NLGN1: variants seen among roughly 807,000 people sequenced by gnomAD.
The protein encoded by NLGN1 is neuroligin-1.
In NLGN1, 12 loss-of-function variants were observed where a neutral mutation model predicts 65.5. The ratio of observed to expected loss-of-function variants is 0.18; its 90% CI spans 0.12 to 0.30. The LOEUF is 0.30. Among genes scored for constraint, NLGN1 ranks in the 10% least tolerant of loss-of-function variants. The pLI, the probability that NLGN1 is intolerant of heterozygous loss-of-function variation, is 1.00. For missense variants in NLGN1, 750 were observed against 1,007.1 expected (o/e 0.74, Z 3.46); for synonymous variants, 350 against 359.5 (o/e 0.97, Z 0.30).
intron 4 of NLGN1, among the ~76,000 whole-genome samples, chr3:174,196,450 T>C (rs1441341260): frequency 1.3e-5 from 2 of 152,204 alleles, no homozygotes; most frequent in African/African-American, 4.8e-5. Flanking sequence ...TCAAAAGTTC[T>C]CATTTTGAGT....
chr3:174,040,583 G>GA (rs1265980481), intron 4 of NLGN1, among the ~76,000 whole-genome samples: 1 of 152,004 alleles, frequency 6.6e-6, no homozygotes, highest in African/African-American at 2.4e-5. Flanking sequence ...ACACTACTGA[G>GA]AAAATGAATA....
At chr3:173,721,269 G>C (rs10460881) in intron 3 of NLGN1, among the ~76,000 whole-genome samples, 123,145 of 152,204 alleles carry the variant, frequency 0.81, 50,371 homozygotes, top group South Asian at 0.88. Context: ...TGTCCTCACC[G>C]AGGTGACCTT....
intron 5 of NLGN1, among the ~76,000 whole-genome samples, chr3:174,276,153 C>G (rs1488345657): frequency 6.6e-6 from 1 of 151,690 alleles, no homozygotes; most frequent in Non-Finnish European, 1.5e-5. Flanking sequence ...ATTATTTTTC[C>G]CCCTAAACTT....
chr3:174,066,530 C>G (rs1738597913), intron 4 of NLGN1, among the ~76,000 whole-genome samples: 1 of 96,954 alleles, frequency 1.0e-5, no homozygotes, highest in African/African-American at 4.0e-5. Context: ...CTCTCTCTCT[C>G]TCTCTCTCTC....
chr3:173,991,792 G>A (rs189241595), intron 4 of NLGN1, among the ~76,000 whole-genome samples: 142 of 152,070 alleles, frequency 9.3e-4, no homozygotes, highest in African/African-American at 3.2e-3. Context: ...TGGAGAACTT[G>A]TGTTTTTTTG....
At chr3:174,175,522 T>A (rs1729284188) in intron 4 of NLGN1, among the ~76,000 whole-genome samples, 2 of 151,868 alleles carry the variant, frequency 1.3e-5, no homozygotes, top group Non-Finnish European at 2.9e-5. Flanking sequence ...TCTATATGTG[T>A]CTCTATTGAA....
intron 3 of NLGN1, among the ~76,000 whole-genome samples, chr3:173,614,504 C>G (rs1462742540): frequency 6.6e-6 from 1 of 152,102 alleles, no homozygotes; most frequent in East Asian, 1.9e-4. Flanking sequence ...CACCATCTTT[C>G]TCAGCGCACC....
intron 2 of NLGN1, among the ~76,000 whole-genome samples, chr3:173,493,901 A>C (rs936461210): frequency 2.0e-5 from 3 of 151,764 alleles, no homozygotes; most frequent in African/African-American, 7.3e-5. Flanking sequence ...AAAGTTTCTA[A>C]AAATTTATTA....
intron 3 of NLGN1, among the ~76,000 whole-genome samples, chr3:173,697,800 G>T (rs1282858487): frequency 6.6e-6 from 1 of 152,136 alleles, no homozygotes; most frequent in Non-Finnish European, 1.5e-5. Flanking sequence ...AAAGTACTGG[G>T]ATTACAGGCG....
At chr3:174,145,734 G>C (rs559181165) in intron 4 of NLGN1, among the ~76,000 whole-genome samples, 1 of 152,200 alleles carries the variant, frequency 6.6e-6, no homozygotes, top group South Asian at 2.1e-4. Flanking sequence ...TATCATTCTT[G>C]ATTAGTAAAA....
chr3:174,101,701 G>A (rs1048443447), intron 4 of NLGN1, among the ~76,000 whole-genome samples: 2 of 152,090 alleles, frequency 1.3e-5, no homozygotes, highest in Admixed American at 6.6e-5. Flanking sequence ...GCAGGCCCTC[G>A]CACAATAGTG....
intron 3 of NLGN1, among the ~76,000 whole-genome samples, chr3:173,625,554 A>G (rs567304268): frequency 1.3e-5 from 2 of 152,260 alleles, no homozygotes; most frequent in East Asian, 3.9e-4. Flanking sequence ...TTTTTCTTTG[A>G]TAAGACAAGA....
intron 1 of NLGN1, among the ~76,000 whole-genome samples, chr3:173,402,842 A>G (rs777394088): frequency 4.6e-5 from 7 of 152,202 alleles, no homozygotes; most frequent in Admixed American, 3.9e-4. Flanking sequence ...CAATGAGACA[A>G]TGCGTTGTAT....
chr3:174,075,767 G>A (rs1421871186), intron 4 of NLGN1, among the ~76,000 whole-genome samples: 1 of 152,076 alleles, frequency 6.6e-6, no homozygotes, highest in African/African-American at 2.4e-5. Flanking sequence ...ATGCATAAGT[G>A]GATTATTGAT....
At chr3:174,076,131 C>A (rs1305225773) in intron 4 of NLGN1, among the ~76,000 whole-genome samples, 1 of 151,894 alleles carries the variant, frequency 6.6e-6, no homozygotes, top group Non-Finnish European at 1.5e-5. Flanking sequence ...GGTTTTAAAG[C>A]AAGATGTTTT....
At chr3:173,689,025 A>G (rs1428249273) in intron 3 of NLGN1, among the ~76,000 whole-genome samples, 1 of 152,114 alleles carries the variant, frequency 6.6e-6, no homozygotes, top group East Asian at 1.9e-4. Flanking sequence ...CGCTAATGTC[A>G]TTTATGTCCT....
chr3:173,660,671 G>T (rs1305423533), intron 3 of NLGN1, among the ~76,000 whole-genome samples: 1 of 151,818 alleles, frequency 6.6e-6, no homozygotes, highest in Non-Finnish European at 1.5e-5. Flanking sequence ...GACAAAAACT[G>T]CTTTAATGTA....
chr3:173,860,789 C>T (rs1461345526), intron 4 of NLGN1, among the ~76,000 whole-genome samples: 6 of 152,124 alleles, frequency 3.9e-5, no homozygotes, highest in African/African-American at 1.4e-4. Flanking sequence ...AAGAACCTTC[C>T]ACAGTGTCTG....
intron 2 of NLGN1, among the ~76,000 whole-genome samples, chr3:173,602,505 C>T (rs1206419199): frequency 6.6e-6 from 1 of 151,868 alleles, no homozygotes; most frequent in East Asian, 1.9e-4. Context: ...GTGCAATTTG[C>T]GTTAAAGTAG....
Sources: allele counts gnomAD v4.1 joint callset (sites outside exome capture counted in the v4.1 genomes callset), GRCh38; gene constraint gnomAD v4.1.1; transcripts MANE v1.5; gene names NCBI Gene and HGNC (gene_info 2026-07-23, HGNC 2026-07-21).